GPM6B: variants seen among roughly 807,000 people sequenced by gnomAD.
GPM6B encodes glycoprotein M6B, also known as neuronal membrane glycoprotein M6-b.
A neutral mutation model predicts 27.2 loss-of-function variants in GPM6B; 4 were observed. The observed-to-expected ratio is 0.15, with a 90% confidence interval of 0.07 to 0.34. GPM6B has a LOEUF of 0.34. GPM6B is among the 10% of genes least tolerant of loss of function. The pLI, the probability that GPM6B is intolerant of heterozygous loss-of-function variation, is 1.00. For synonymous variants in GPM6B, 124 were observed against 103.1 expected (o/e 1.20, Z -1.23); for missense variants, 183 against 261.9 (o/e 0.70, Z 2.08).
chrX:13,781,463 A>G (rs73451163), intron 4 of GPM6B, among the ~76,000 whole-genome samples: 2,174 of 112,116 alleles, frequency 0.019, 54 homozygotes, highest in African/African-American at 0.067. Context: ...TTCCTCGTGG[A>G]CAAAGGACAG....
chrX:13,868,038 A>G (rs778065047), intron 1 of GPM6B, among the ~76,000 whole-genome samples: 10 of 112,166 alleles, frequency 8.9e-5, no homozygotes, highest in Non-Finnish European at 1.5e-4. Flanking sequence ...AACTATGCAC[A>G]TGAGTATCTA....
upstream of GPM6B, among the ~76,000 whole-genome samples, chrX:13,818,512 C>T (rs1264691046): frequency 5.3e-5 from 6 of 112,329 alleles, no homozygotes; most frequent in African/African-American, 1.9e-4. Context: ...GTGTTACAGT[C>T]GAGAAGATTT....
intron 1 of GPM6B, among the ~76,000 whole-genome samples, chrX:13,873,380 A>G (rs2188767): frequency 0.44 from 47,819 of 109,123 alleles, 8,923 homozygotes; most frequent in Non-Finnish European, 0.59. Context: ...ATCACTTCCC[A>G]GTTGGGTAAC....
At chrX:13,808,593 T>C (rs1372636490) in intron 1 of GPM6B, among the ~76,000 whole-genome samples, 3 of 111,845 alleles carry the variant, frequency 2.7e-5, no homozygotes, top group Non-Finnish European at 5.6e-5. Context: ...ATAAGGTCGC[T>C]ATGGCCAGTT....
chrX:13,893,098 A>G (rs1422555746), intron 1 of GPM6B, among the ~76,000 whole-genome samples: 7 of 112,018 alleles, frequency 6.2e-5, no homozygotes, highest in Non-Finnish European at 1.3e-4. Flanking sequence ...ACAGCGGGCC[A>G]GATTTGGTCC....
rs1205912124 is a variant in GPM6B at position 13,807,681 on chromosome X, C to A, written c.150G>T (p.Leu50=). 1 of 1,203,749 alleles carries A rather than the reference C, an allele frequency of 8.3e-7. No individual in the cohort carries two copies. Among genetic ancestry groups the A allele is most frequent in the Non-Finnish European group, 1.1e-6 (1 of 890,470 alleles). ...TGCTCAAGGGGCTAGCCCTGTCCCC[C>A]AGGGTTGGCACGGGATGGTACTGGT... ...KNHQYHPVPT[L]GDRASPLSSP... Residue 50 remains leucine, a synonymous_variant, in exon 2 of 8, where the codon CTG becomes CTT. Coordinates refer to ENST00000316715, the MANE Select transcript of GPM6B (RefSeq NM_001001995.3).
chrX:13,830,862 T>C (rs2049430623), intron 1 of GPM6B, among the ~76,000 whole-genome samples: 1 of 111,406 alleles, frequency 9.0e-6, no homozygotes, highest in Non-Finnish European at 1.9e-5. Context: ...TGCATTTTCA[T>C]TTTGTACCTG....
chrX:13,913,517 T>C (rs1053083435), intron 1 of GPM6B, among the ~76,000 whole-genome samples: 1 of 111,256 alleles, frequency 9.0e-6, no homozygotes, highest in African/African-American at 3.3e-5. Context: ...CAGTGTTCAA[T>C]GTAACTTCAA....
upstream of GPM6B, among the ~76,000 whole-genome samples, chrX:13,820,123 T>C (rs920698336): frequency 9.0e-6 from 1 of 111,560 alleles, no homozygotes; most frequent in Non-Finnish European, 1.9e-5. Flanking sequence ...GCAGAGCTGA[T>C]CGTGCTTTAC....
At chrX:13,846,789 GCTT>G in intron 1 of GPM6B, among the ~76,000 whole-genome samples, 1 of 32,401 alleles carries the variant, frequency 3.1e-5, no homozygotes, top group South Asian at 1.7e-3. Context: ...CACTGCGCCA[GCTT>G]TTTTTTTTTT....
intron 1 of GPM6B, among the ~76,000 whole-genome samples, chrX:13,848,818 A>G (rs751444227): frequency 4.4e-5 from 5 of 112,643 alleles, no homozygotes; most frequent in Non-Finnish European, 9.4e-5. Flanking sequence ...GCATCCATCA[A>G]CTGGTACATG....
At chrX:13,824,608 A>T (rs2049349968) in intron 1 of GPM6B, among the ~76,000 whole-genome samples, 1 of 111,883 alleles carries the variant, frequency 8.9e-6, no homozygotes, top group South Asian at 3.8e-4. Context: ...AAGAGGGCAG[A>T]GTCAGGGCGA....
intron 1 of GPM6B, among the ~76,000 whole-genome samples, chrX:13,931,299 T>A (rs996695721): frequency 9.1e-6 from 1 of 110,484 alleles, no homozygotes; most frequent in South Asian, 3.9e-4. Context: ...AAGGTCAGGC[T>A]ATCATGGTGA....
intron 1 of GPM6B, among the ~76,000 whole-genome samples, chrX:13,898,820 C>A (rs1007928203): frequency 9.0e-6 from 1 of 111,726 alleles, no homozygotes; most frequent in African/African-American, 3.3e-5. Flanking sequence ...AGTCACCTGG[C>A]TGTGTCATCC....
At chrX:13,844,797 T>A (rs2049624021) in intron 1 of GPM6B, among the ~76,000 whole-genome samples, 1 of 111,731 alleles carries the variant, frequency 9.0e-6, no homozygotes, top group South Asian at 3.7e-4. Context: ...GTGTCTGAGC[T>A]ATCTATGGCT....
chrX:13,820,030 G>A (rs1393610823), upstream of GPM6B, among the ~76,000 whole-genome samples: 1 of 111,990 alleles, frequency 8.9e-6, no homozygotes, highest in African/African-American at 3.2e-5. Flanking sequence ...GAAGGGAGAT[G>A]GCTGAGCCAG....
intron 2 of GPM6B, among the ~76,000 whole-genome samples, chrX:13,796,383 C>T (rs2048816552): frequency 8.9e-6 from 1 of 112,227 alleles, no homozygotes; most frequent in African/African-American, 3.2e-5. Context: ...GTTCTAGCTT[C>T]TAATATAGAA....
chrX:13,838,133 GA>G (rs59126207), intron 1 of GPM6B, among the ~76,000 whole-genome samples: 11,894 of 89,216 alleles, frequency 0.13, 964 homozygotes, highest in African/African-American at 0.3. Context: ...GGAAAAAAAA[GA>G]AAAAAAAAAA....
intron 1 of GPM6B, among the ~76,000 whole-genome samples, chrX:13,913,807 A>C (rs975495955): frequency 8.9e-6 from 1 of 111,738 alleles, no homozygotes; most frequent in Non-Finnish European, 1.9e-5. Flanking sequence ...GTTGGAGTGC[A>C]GTGGCATGAA....
Sources: allele counts gnomAD v4.1 joint callset (sites outside exome capture counted in the v4.1 genomes callset), GRCh38; gene constraint gnomAD v4.1.1; transcripts MANE v1.5; gene names NCBI Gene and HGNC (gene_info 2026-07-23, HGNC 2026-07-21).